The following TEX11 variants were observed in gnomAD, a reference collection of about 807,000 sequenced individuals.
TEX11 encodes testis expressed 11.
TEX11 carries 7 observed loss-of-function variants against 84.4 expected under a neutral mutation model. That is an observed-to-expected ratio of 0.08 (90% CI 0.05 to 0.16). The LOEUF is 0.16. Among genes scored for constraint, TEX11 ranks in the 10% least tolerant of loss-of-function variants. TEX11 has a pLI of 1.00. For synonymous variants in TEX11, 264 were observed against 222.8 expected (o/e 1.18, Z -1.64); for missense variants, 551 against 660.5 (o/e 0.83, Z 1.82).
At chrX:70,582,702 T>C (rs78217503) in intron 25 of TEX11, among the ~76,000 whole-genome samples, 1 of 107,751 alleles carries the variant, frequency 9.3e-6, no homozygotes, top group Admixed American at 1.0e-4. Flanking sequence ...TATGTTAGAA[T>C]TGTGTTACCT....
chrX:70,646,505 A>T (rs1438037328), intron 17 of TEX11, among the ~76,000 whole-genome samples: 1 of 112,234 alleles, frequency 8.9e-6, no homozygotes, highest in Non-Finnish European at 1.9e-5. Flanking sequence ...TCCAAAATAT[A>T]TAAGAAATTC....
intron 28 of TEX11, among the ~76,000 whole-genome samples, chrX:70,547,480 C>A (rs2088145669): frequency 9.0e-6 from 1 of 111,219 alleles, no homozygotes; most frequent in African/African-American, 3.3e-5. Context: ...AGTGAACAGG[C>A]AACCTACAGA....
chrX:70,776,297 C>A (rs2091001652), intron 9 of TEX11, among the ~76,000 whole-genome samples: 1 of 110,796 alleles, frequency 9.0e-6, no homozygotes, highest in Admixed American at 9.6e-5. Flanking sequence ...GAATAAGATC[C>A]ATGCCTGTAA....
At chrX:70,710,144 C>T (rs1211287620) in intron 13 of TEX11, among the ~76,000 whole-genome samples, 5 of 110,960 alleles carry the variant, frequency 4.5e-5, no homozygotes, top group Non-Finnish European at 9.4e-5. Flanking sequence ...GGGGGCCTGA[C>T]GCCTTTCACC....
the TEX11 span, among the ~76,000 whole-genome samples, chrX:70,515,271 C>A: frequency 9.3e-6 from 1 of 107,041 alleles, no homozygotes; most frequent in Admixed American, 1.0e-4. Flanking sequence ...CTCCTCCACC[C>A]CCCCCCACCC....
intron 7 of TEX11, among the ~76,000 whole-genome samples, chrX:70,846,887 G>T (rs193077308): frequency 2.8e-3 from 315 of 111,277 alleles, no homozygotes; most frequent in Middle Eastern, 0.014. Context: ...TCACGCCACT[G>T]CACTACAACC....
rs761118035 is a variant in TEX11 at position 70,572,983 on chromosome X, C to T, written c.2141-18183G>A. Among the ~76,000 whole-genome samples, 9 of 111,019 alleles carry T rather than the reference C, an allele frequency of 8.1e-5. No individual in the cohort carries two copies. The South Asian group carries it at 3.1e-3, about 38-fold the overall frequency. ...AACCTGCACGTTGTGCATCTGTACC[C>T]TAAAACTTAAAGTATAATAAATAAA... is the stretch of plus-strand genomic sequence containing the variant. On this transcript the variant is annotated intron_variant, in intron 25 of 29. Coordinates refer to ENST00000374333, the MANE Select transcript of TEX11 (RefSeq NM_031276.3).
At chrX:70,730,609 T>C (rs2090640127) in intron 11 of TEX11, among the ~76,000 whole-genome samples, 1 of 112,055 alleles carries the variant, frequency 8.9e-6, no homozygotes, top group Non-Finnish European at 1.9e-5. Context: ...CTAACTATCC[T>C]AAATATATAT....
the TEX11 span, among the ~76,000 whole-genome samples, chrX:70,519,599 G>A: frequency 1.8e-5 from 2 of 111,365 alleles, no homozygotes; most frequent in Non-Finnish European, 3.8e-5. Flanking sequence ...TCTTGGGGTT[G>A]CTCTTCTAGA....
intron 25 of TEX11, among the ~76,000 whole-genome samples, chrX:70,579,045 C>T (rs1402488920): frequency 3.7e-5 from 4 of 109,579 alleles, no homozygotes; most frequent in Non-Finnish European, 7.6e-5. Context: ...GTGCTGGTTA[C>T]TGCGCCCAGC....
intron 4 of TEX11, among the ~76,000 whole-genome samples, chrX:70,864,930 C>T (rs1370265478): frequency 2.7e-5 from 3 of 110,047 alleles, no homozygotes; most frequent in Non-Finnish European, 5.7e-5. Context: ...CGGTAACAGC[C>T]GCGGCAAAAA....
At chrX:70,669,847 A>G (rs2090007239) in intron 16 of TEX11, among the ~76,000 whole-genome samples, 1 of 112,713 alleles carries the variant, frequency 8.9e-6, no homozygotes, top group Non-Finnish European at 1.9e-5. Context: ...ATTGCTTTGG[A>G]AAGTATTTCC....
chrX:70,843,666 C>G (rs1351966527), intron 7 of TEX11, among the ~76,000 whole-genome samples: 3 of 111,553 alleles, frequency 2.7e-5, no homozygotes, highest in African/African-American at 9.8e-5. Context: ...TCAGAGTGAA[C>G]AGGCAACCTA....
intron 12 of TEX11, 132 bp from the exon 13 acceptor site, chrX:70,722,828 A>G: frequency 6.0e-6 from 3 of 496,950 alleles, no homozygotes; most frequent in Non-Finnish European, 1.0e-5. Context: ...CTAAAAATTT[A>G]TCAAAATCTT....
intron 8 of TEX11, among the ~76,000 whole-genome samples, chrX:70,817,250 TATATACACACACAC>T (rs1177899015): frequency 1.1e-5 from 1 of 91,407 alleles, no homozygotes; most frequent in African/African-American, 4.1e-5. Context: ...CACACATATA[TATATACACACACAC>T]ACACACACAC....
At chrX:70,772,904 C>A (rs901483780) in intron 9 of TEX11, among the ~76,000 whole-genome samples, 2 of 110,123 alleles carry the variant, frequency 1.8e-5, no homozygotes, top group African/African-American at 6.6e-5. Flanking sequence ...GAATAATCAG[C>A]AAACTCAAAG....
intron 7 of TEX11, among the ~76,000 whole-genome samples, chrX:70,834,796 T>A (rs528489843): frequency 4.5e-5 from 5 of 110,328 alleles, no homozygotes; most frequent in East Asian, 5.6e-4. Context: ...CAGCATTTTT[T>A]AAGAAAAACA....
At chrX:70,746,226 A>G (rs993935522) in intron 9 of TEX11, among the ~76,000 whole-genome samples, 73 of 111,246 alleles carry the variant, frequency 6.6e-4, no homozygotes, top group African/African-American at 2.3e-3. Flanking sequence ...ATCCTAGGCT[A>G]TGGTTTCACC....
chrX:70,846,527 T>C (rs903481335), intron 7 of TEX11, among the ~76,000 whole-genome samples: 4 of 112,419 alleles, frequency 3.6e-5, no homozygotes, highest in African/African-American at 1.3e-4. Context: ...ACTTCTTCCA[T>C]TGCCTCGCCA....
Sources: allele counts gnomAD v4.1 joint callset (sites outside exome capture counted in the v4.1 genomes callset), GRCh38; gene constraint gnomAD v4.1.1; transcripts MANE v1.5; gene names NCBI Gene and HGNC (gene_info 2026-07-23, HGNC 2026-07-21).